The following ZNF730 variants were observed in gnomAD, a reference collection of about 807,000 sequenced individuals.
The protein encoded by ZNF730 is zinc finger protein 730.
Under a neutral mutation model 12.6 loss-of-function variants are expected in ZNF730, and 12 were observed. The observed-to-expected ratio is 0.95, with a 90% CI of 0.61 to 1.54. The LOEUF (loss-of-function observed/expected upper bound fraction) is 1.54. Among genes scored for constraint, ZNF730 ranks in the 40% most tolerant of loss-of-function variants. The pLI is 0.00. For missense variants in ZNF730, 643 were observed against 583.5 expected (o/e 1.10, Z -1.05); for synonymous variants, 194 against 195.8 (o/e 0.99, Z 0.08).
chr19:23,143,802 T>C (rs1038114131), intron 3 of ZNF730: 4 of 152,178 alleles, frequency 2.6e-5, no homozygotes, highest in African/African-American at 9.7e-5. Context: ...TCACTGGTTA[T>C]ATCGTAAGAC....
intron 1 of ZNF730, among the ~76,000 whole-genome samples, chr19:23,080,379 T>A (rs1969941953): frequency 6.6e-6 from 1 of 151,912 alleles, no homozygotes; most frequent in Non-Finnish European, 1.5e-5. Context: ...ACTCTTATTT[T>A]TTTTTTTTTA....
intron 1 of ZNF730, among the ~76,000 whole-genome samples, chr19:23,120,532 T>C (rs1211825258): frequency 2.0e-5 from 3 of 152,124 alleles, no homozygotes; most frequent in African/African-American, 7.2e-5. Flanking sequence ...GCTTTTGTCA[T>C]TTCTAATTGT....
intron 3 of ZNF730, among the ~76,000 whole-genome samples, chr19:23,142,444 G>T (rs964576516): frequency 1.3e-5 from 2 of 150,192 alleles, no homozygotes; most frequent in African/African-American, 4.9e-5. Context: ...AGTACTTTGG[G>T]AGGCTGAGGC....
At chr19:23,076,018 G>C (rs1256134223) in intron 1 of ZNF730, among the ~76,000 whole-genome samples, 1 of 151,750 alleles carries the variant, frequency 6.6e-6, no homozygotes, top group African/African-American at 2.4e-5. Context: ...CAGAGGACTC[G>C]TTTTCCTCTG....
chr19:23,117,150 C>G lies in ZNF730; in HGVS notation c.-24C>G. The G allele has an allele frequency of 2.5e-6, 4 of 1,613,872 alleles. No homozygotes were observed. The highest frequency in any genetic ancestry group is 3.4e-6 in the Non-Finnish European group (4 of 1,179,800). On this transcript the variant is annotated 5_prime_UTR_variant, in exon 1 of 4. Transcript: ENST00000597761. The stretch of plus-strand genomic sequence containing the variant: ...TATTGGGAGATCCACAGCTAAGACG[C>G]CAGGGCCCCCTGGAAGCCTAGAAAT...
intron 1 of ZNF730, among the ~76,000 whole-genome samples, chr19:23,124,896 A>G (rs756037671): frequency 5.3e-5 from 8 of 152,200 alleles, no homozygotes; most frequent in Non-Finnish European, 8.8e-5. Context: ...TGGCTTGGCT[A>G]TGTCACCACC....
Position 23,146,914 on chromosome 19 carries a change from G to A in ZNF730, c.*358G>A, listed in dbSNP as rs1414665432. ...ACCTGAAAGTTTTAACAGTGCTTTT[G>A]ACAACACCTCAAACTTTTCCAGATG... On this transcript the variant is annotated 3_prime_UTR_variant, in exon 4 of 4. Transcript: ENST00000597761. 29 of 483,954 alleles carry A rather than the reference G, an allele frequency of 6.0e-5. No homozygotes were observed. The Admixed American group carries it at 9.7e-4, about 16-fold the overall frequency. The allele number at this position is 483,954 out of a possible 1,614,324, so 30.0% of individuals were successfully genotyped here.
At chr19:23,092,944 T>G (rs1196985115) in intron 1 of ZNF730, among the ~76,000 whole-genome samples, 3 of 152,222 alleles carry the variant, frequency 2.0e-5, no homozygotes, top group African/African-American at 7.2e-5. Flanking sequence ...CCTGGCCTCA[T>G]AGAATGAGTT....
chr19:23,085,836 C>CTTTTTTTTTTTTTTTTTTTTTTT lies in ZNF730; in HGVS notation c.-94+10454_-94+10476dup, dbSNP rs556123915. Among the ~76,000 whole-genome samples the CTTTTTTTTTTTTTTTTTTTTTTT allele has an allele frequency of 5.8e-4, 32 of 54,856 alleles. 8 individuals carry two copies. The highest frequency in any genetic ancestry group is 1.2e-3 in the African/African-American group (15 of 12,034). The allele number at this position is 54,856 out of a possible 152,430, so 36.0% of individuals were successfully genotyped here. On this transcript the variant is annotated intron_variant, in intron 1 of 2. Coordinates refer to the ZNF730 transcript ENST00000593635. ...GACCTATTTCACCCAATTTTTTTTT[C>CTTTTTTTTTTTTTTTTTTTTTTT]TTTTTTTTTTTTTTTTTTTTTTTTT...
intron 1 of ZNF730, among the ~76,000 whole-genome samples, chr19:23,103,077 TCA>T (rs1172636943): frequency 6.6e-6 from 1 of 152,162 alleles, no homozygotes; most frequent in East Asian, 1.9e-4. Flanking sequence ...GTCCTGAATC[TCA>T]CACATGGAAA....
In ZNF730 at chr19:23,094,633, C is replaced by A. The variant is rs112359186; in HGVS notation, c.-94+19246C>A. Among the ~76,000 whole-genome samples, 1,127 of 152,102 alleles carry A rather than the reference C, an allele frequency of 7.4e-3. 9 individuals are homozygous for A. The highest frequency in any genetic ancestry group is 0.026 in the African/African-American group (1,069 of 41,488). On this transcript the variant is annotated intron_variant, in intron 1 of 2. Transcript: ENST00000593635. Reference sequence around the variant, plus strand: ...GGATTACAGGCGTGTGCCACCACACCCAGCTAACTTTTGTATTTTTAGTAG... The same window carrying A: ...GGATTACAGGCGTGTGCCACCACACACAGCTAACTTTTGTATTTTTAGTAG...
chr19:23,144,311 G>A (rs1970970896), intron 3 of ZNF730: 1 of 151,934 alleles, frequency 6.6e-6, no homozygotes, highest in Non-Finnish European at 1.5e-5. Flanking sequence ...AATCGTTTTG[G>A]CTAGACATTC....
At chr19:23,108,589 C>T (rs866265012) in intron 1 of ZNF730, among the ~76,000 whole-genome samples, 26 of 152,122 alleles carry the variant, frequency 1.7e-4, no homozygotes, top group Middle Eastern at 3.2e-3. Context: ...TCTATAGTCA[C>T]TTTAATTCAA....
At chr19:23,089,023 C>G (rs867712113) in intron 1 of ZNF730, among the ~76,000 whole-genome samples, 1 of 151,722 alleles carries the variant, frequency 6.6e-6, no homozygotes, top group Non-Finnish European at 1.5e-5. Flanking sequence ...CAGGCATGTG[C>G]CACCTTGCCT....
At chr19:23,133,499 T>A (rs1349963051) in intron 1 of ZNF730, among the ~76,000 whole-genome samples, 22 of 152,152 alleles carry the variant, frequency 1.4e-4, no homozygotes, top group Admixed American at 1.3e-3. Flanking sequence ...TGCGCCACCA[T>A]GGCCAGCTAA....
intron 1 of ZNF730, among the ~76,000 whole-genome samples, chr19:23,131,264 CAG>C (rs536569669): frequency 1.3e-5 from 2 of 151,906 alleles, no homozygotes; most frequent in African/African-American, 2.4e-5. Context: ...AGGTCAATGA[CAG>C]AGAAACAGAA....
At chr19:23,114,089 C>T (rs1970485849), upstream of ZNF730, among the ~76,000 whole-genome samples, 1 of 151,880 alleles carries the variant, frequency 6.6e-6, no homozygotes, top group Admixed American at 6.6e-5. Flanking sequence ...AAGGAAAATC[C>T]CAAGCTGTAA....
At chr19:23,118,792 A>G (rs948297259) in intron 1 of ZNF730, among the ~76,000 whole-genome samples, 1 of 152,154 alleles carries the variant, frequency 6.6e-6, no homozygotes, top group South Asian at 2.1e-4. Flanking sequence ...CAAATGGCAG[A>G]TTTTACCTAT....
intron 1 of ZNF730, among the ~76,000 whole-genome samples, chr19:23,108,303 T>C (rs982542424): frequency 6.6e-6 from 1 of 152,064 alleles, no homozygotes; most frequent in African/African-American, 2.4e-5. Flanking sequence ...CAATTTGTGT[T>C]TAGGGGATTT....
Sources: allele counts gnomAD v4.1 joint callset (sites outside exome capture counted in the v4.1 genomes callset), GRCh38; gene constraint gnomAD v4.1.1; transcripts MANE v1.5; gene names NCBI Gene and HGNC (gene_info 2026-07-23, HGNC 2026-07-21).